IRAK2: variants seen among roughly 807,000 people sequenced by gnomAD.
IRAK2 encodes interleukin-1 receptor-associated kinase-like 2.
IRAK2 carries 57 observed loss-of-function variants against 72.0 expected under a neutral mutation model. That is an observed-to-expected ratio of 0.79 (90% CI 0.64 to 0.99). The LOEUF (loss-of-function observed/expected upper bound fraction) is 0.99. IRAK2 is among the 50% of genes least tolerant of loss of function. The pLI is 0.00. For missense variants in IRAK2, 790 were observed against 794.4 expected (o/e 0.99, Z 0.07); for synonymous variants, 293 against 312.7 (o/e 0.94, Z 0.67).
At chr3:10,204,413 A>G (rs1014308081) in intron 3 of IRAK2, among the ~76,000 whole-genome samples, 1 of 152,182 alleles carries the variant, frequency 6.6e-6, no homozygotes, top group Admixed American at 6.6e-5. Flanking sequence ...TGCTTCTGCA[A>G]TTCTTGTACC....
chr3:10,224,735 T>TTTATCCACCTATCCACACATCCAC, intron 9 of IRAK2, among the ~76,000 whole-genome samples: 1 of 17,360 alleles, frequency 5.8e-5, no homozygotes, highest in South Asian at 4.4e-3. Flanking sequence ...TACCCATCCA[T>TTTATCCACCTATCCACACATCCAC]CCATCCATCC....
At chr3:10,218,675 A>G (rs1166928177) in intron 7 of IRAK2, among the ~76,000 whole-genome samples, 1 of 152,150 alleles carries the variant, frequency 6.6e-6, no homozygotes, top group African/African-American at 2.4e-5. Flanking sequence ...TGTAATGGAC[A>G]TGATAAAAAT....
At chr3:10,167,291 T>C (rs1401298911) in intron 1 of IRAK2, among the ~76,000 whole-genome samples, 1 of 152,220 alleles carries the variant, frequency 6.6e-6, no homozygotes, top group Non-Finnish European at 1.5e-5. Flanking sequence ...TTTTCCTGAG[T>C]TTTAGACATT....
intron 8 of IRAK2, among the ~76,000 whole-genome samples, chr3:10,221,223 T>G (rs1160612742): frequency 6.8e-6 from 1 of 146,892 alleles, no homozygotes; most frequent in Non-Finnish European, 1.5e-5. Flanking sequence ...AAACCTCGTC[T>G]CTACTAAAAA....
chr3:10,240,558 C>CCCCCCCCCT (rs1274154130), intron 12 of IRAK2, among the ~76,000 whole-genome samples: 1 of 18,064 alleles, frequency 5.5e-5, no homozygotes, highest in Non-Finnish European at 8.2e-5. Flanking sequence ...CCCCCCCCGC[C>CCCCCCCCCT]TTTTTTTTTT....
intron 8 of IRAK2, among the ~76,000 whole-genome samples, chr3:10,222,247 G>T (rs1419263974): frequency 6.6e-6 from 1 of 152,124 alleles, no homozygotes; most frequent in Non-Finnish European, 1.5e-5. Flanking sequence ...AGTCACAAAG[G>T]ATGCTGGCCA....
chr3:10,192,404 A>G (rs1221471996), intron 2 of IRAK2, among the ~76,000 whole-genome samples: 1 of 152,226 alleles, frequency 6.6e-6, no homozygotes, highest in African/African-American at 2.4e-5. Context: ...TCAGGCAGCT[A>G]GTGTGACGGC....
chr3:10,208,820 G>A (rs895468604), intron 3 of IRAK2, among the ~76,000 whole-genome samples: 4 of 151,884 alleles, frequency 2.6e-5, no homozygotes, highest in Non-Finnish European at 4.4e-5. Flanking sequence ...TGTTGCCCAA[G>A]CTGATCTCAA....
intron 2 of IRAK2, among the ~76,000 whole-genome samples, chr3:10,199,749 A>AGGTGAGG (rs1439241760): frequency 6.6e-6 from 1 of 152,084 alleles, no homozygotes; most frequent in Non-Finnish European, 1.5e-5. Flanking sequence ...TCCGTTTTAT[A>AGGTGAGG]GGTGAGGGAA....
Position 10,238,979 on chromosome 3 carries a change from G to A in IRAK2, c.1705G>A (p.Val569Met), listed in dbSNP as rs765849832. Residue 569 changes from valine (V) to methionine (M), a missense_variant, in exon 12 of 13, where the codon GTG (valine) becomes ATG (methionine). By Grantham distance (21) the Val-to-Met change is conservative. Transcript: ENST00000256458. ...TGGGGAAGGAAGGCTGCGGGTCATC[G>A]TGGGAAGGGAGGCTGACTCCTCCTC... Reference protein sequence around the residue: ...ENGEGRLRVIVGREADSSSEA... With the variant: ...ENGEGRLRVIMGREADSSSEA... 134 of 1,613,704 alleles carry A rather than the reference G, an allele frequency of 8.3e-5. No homozygotes were observed. The Middle Eastern group carries it at 9.9e-4, about 12-fold the overall frequency.
Position 10,227,939 on chromosome 3 carries a change from G to A in IRAK2, c.1272+1506G>A, listed in dbSNP as rs1033187170. 5.9e-5 allele frequency among the ~76,000 whole-genome samples: 9 copies of A among 151,976 alleles called. No individual in the cohort carries two copies. The East Asian group carries it at 1.7e-3, about 29-fold the overall frequency. Reference sequence around the variant, plus strand: ...CCGCCTCGGCCTCCCAAAGTGCTGGGATTACAGGATCTTGAGTTCTTAACC... The same window carrying A: ...CCGCCTCGGCCTCCCAAAGTGCTGGAATTACAGGATCTTGAGTTCTTAACC... On this transcript the variant is annotated intron_variant, in intron 10 of 12. Coordinates refer to ENST00000256458, the MANE Select transcript of IRAK2 (RefSeq NM_001570.4).
intron 3 of IRAK2, among the ~76,000 whole-genome samples, chr3:10,206,767 A>G (rs958041838): frequency 1.3e-5 from 2 of 151,716 alleles, no homozygotes; most frequent in Non-Finnish European, 2.9e-5. Context: ...TGTTGACCAG[A>G]CTGGTCTCGA....
At chr3:10,223,386 A>T (rs555812694) in intron 9 of IRAK2, among the ~76,000 whole-genome samples, 1 of 149,390 alleles carries the variant, frequency 6.7e-6, no homozygotes, top group East Asian at 2.0e-4. Context: ...CGTGCCAGGC[A>T]CTAGGAATAT....
At chr3:10,168,143 T>A (rs890888723) in intron 1 of IRAK2, among the ~76,000 whole-genome samples, 22 of 152,252 alleles carry the variant, frequency 1.4e-4, no homozygotes, top group African/African-American at 5.3e-4. Flanking sequence ...CTAAAGTGGC[T>A]GAACCACCAG....
chr3:10,189,781 T>C (rs1160346372), intron 2 of IRAK2, among the ~76,000 whole-genome samples: 2 of 152,154 alleles, frequency 1.3e-5, no homozygotes, highest in African/African-American at 4.8e-5. Context: ...GGGGCCGGGC[T>C]GTGCCAGGTC....
chr3:10,234,775 C>T (rs1309352268), intron 11 of IRAK2, 116 bp downstream of exon 11: 26 of 892,030 alleles, frequency 2.9e-5, no homozygotes, highest in South Asian at 2.8e-4. Flanking sequence ...GCTTGCAAGC[C>T]GCAGAACCTC....
At chr3:10,182,290 T>TTC (rs915588087) in intron 2 of IRAK2, among the ~76,000 whole-genome samples, 6 of 146,324 alleles carry the variant, frequency 4.1e-5, no homozygotes, top group African/African-American at 7.6e-5. Context: ...TTTTTTTCTT[T>TTC]TTTTTTTTTT....
intron 11 of IRAK2, among the ~76,000 whole-genome samples, chr3:10,235,157 C>A (rs1391029970): frequency 6.6e-6 from 1 of 152,134 alleles, no homozygotes; most frequent in Non-Finnish European, 1.5e-5. Context: ...GGTGTCGGCG[C>A]CAGGTCCCAA....
rs540938095 is a variant in IRAK2 at position 10,177,997 on chromosome 3, G to A, written c.254G>A (p.Arg85Gln). The A allele has an allele frequency of 2.9e-5, 46 of 1,611,160 alleles. No homozygotes were observed. The South Asian group carries it at 3.0e-4, about 10-fold the overall frequency. The change falls in exon 2 of 13, where the codon CGG (arginine) becomes CAG (glutamine). Residue 85 changes from arginine (R) to glutamine (Q), a missense_variant. Physicochemically the swap from Arg to Gln is conservative, Grantham distance 43. Transcript: ENST00000256458. Reference sequence around the variant, plus strand: ...CTCCTGTGCCGCCTGGAGCTCTACCGGGCTGCCCAGATCATCCTGAACTGT... The same window carrying A: ...CTCCTGTGCCGCCTGGAGCTCTACCAGGCTGCCCAGATCATCCTGAACTGT... ...VDLLCRLELY[R>Q]AAQIILNWKP...
Sources: gnomAD v4.1 joint callset for allele counts (sites outside exome capture counted in the v4.1 genomes callset) on GRCh38, gnomAD v4.1.1 for gene constraint, MANE v1.5 for transcripts, NCBI Gene and HGNC (gene_info 2026-07-23, HGNC 2026-07-21) for gene names.